Variants in PICALM observed in about 807,000 individuals in gnomAD.
PICALM encodes phosphatidylinositol-binding clathrin assembly protein.
A neutral mutation model predicts 80.5 loss-of-function variants in PICALM; 40 were observed. The observed-to-expected ratio is 0.50, with a 90% CI of 0.39 to 0.65. PICALM has a LOEUF of 0.65. Among genes scored for constraint, PICALM ranks in the 30% least tolerant of loss-of-function variants. The pLI is 0.00. For synonymous variants in PICALM, 288 were observed against 260.3 expected (o/e 1.11, Z -1.02); for missense variants, 676 against 778.9 (o/e 0.87, Z 1.57).
intron 12 of PICALM, among the ~76,000 whole-genome samples, chr11:85,995,554 T>A (rs570217490): frequency 2.6e-5 from 4 of 152,194 alleles, no homozygotes; most frequent in Non-Finnish European, 5.9e-5. Context: ...CAGTTCAGCT[T>A]CTTTGAAATG....
At chr11:86,033,716 G>A (rs1424304499) in intron 1 of PICALM, among the ~76,000 whole-genome samples, 1 of 152,034 alleles carries the variant, frequency 6.6e-6, no homozygotes, top group African/African-American at 2.4e-5. Context: ...ATGTTTTTAA[G>A]TTCCATGTGG....
intron 2 of PICALM, among the ~76,000 whole-genome samples, chr11:86,027,682 C>T (rs1282117202): frequency 1.3e-5 from 2 of 151,866 alleles, no homozygotes; most frequent in Non-Finnish European, 2.9e-5. Context: ...GTCCAGCTCA[C>T]ATTTTTAAAA....
chr11:86,033,387 T>C (rs941302991), intron 1 of PICALM, among the ~76,000 whole-genome samples: 8 of 151,866 alleles, frequency 5.3e-5, no homozygotes, highest in Non-Finnish European at 1.2e-4. Flanking sequence ...ACTGCATCAC[T>C]GCCATCTTCT....
chr11:86,050,861 TTA>T (rs1341230057), intron 1 of PICALM, among the ~76,000 whole-genome samples: 9 of 152,192 alleles, frequency 5.9e-5, no homozygotes, highest in Admixed American at 5.9e-4. Flanking sequence ...TTTATTGTTA[TTA>T]TTTTTTATGT....
intron 19 of PICALM, among the ~76,000 whole-genome samples, chr11:85,962,748 C>T (rs138666509): frequency 4.6e-5 from 7 of 152,304 alleles, no homozygotes; most frequent in East Asian, 1.9e-4. Flanking sequence ...GAAAACAAGA[C>T]AACATCCCTG....
At chr11:86,052,665 C>G (rs966230568) in intron 1 of PICALM, among the ~76,000 whole-genome samples, 6 of 152,320 alleles carry the variant, frequency 3.9e-5, no homozygotes, top group African/African-American at 1.4e-4. Flanking sequence ...TTCCTGTTTT[C>G]ACACTGGCAG....
At chr11:86,063,853 T>C (rs1393262074) in intron 1 of PICALM, among the ~76,000 whole-genome samples, 1 of 152,030 alleles carries the variant, frequency 6.6e-6, no homozygotes, top group Non-Finnish European at 1.5e-5. Flanking sequence ...AAAATAACTG[T>C]CTTCTTAAAA....
chr11:86,062,639 A>T (rs755664582), intron 1 of PICALM, among the ~76,000 whole-genome samples: 24 of 152,218 alleles, frequency 1.6e-4, no homozygotes, highest in Non-Finnish European at 4.4e-5. Flanking sequence ...CTTGATAATA[A>T]TATAACTTGA....
chr11:85,986,236 C>T (rs976662514), intron 13 of PICALM, among the ~76,000 whole-genome samples: 2 of 151,326 alleles, frequency 1.3e-5, no homozygotes, highest in Admixed American at 1.3e-4. Context: ...TCCAAATTTC[C>T]AAAGTAAAAA....
At chr11:85,982,873 T>C (rs746766321) in intron 14 of PICALM, among the ~76,000 whole-genome samples, 54 of 152,206 alleles carry the variant, frequency 3.5e-4, no homozygotes, top group Non-Finnish European at 5.6e-4. Context: ...CACCAAATTA[T>C]AGAAAATAAA....
chr11:85,994,134 C>T (rs939465929), intron 12 of PICALM, among the ~76,000 whole-genome samples: 16 of 152,138 alleles, frequency 1.1e-4, no homozygotes, highest in African/African-American at 3.9e-4. Flanking sequence ...TGAAATCTTG[C>T]TTCAAATATT....
At chr11:85,994,869 A>G (rs1592687151) in intron 12 of PICALM, among the ~76,000 whole-genome samples, 1 of 152,092 alleles carries the variant, frequency 6.6e-6, no homozygotes, top group African/African-American at 2.4e-5. Flanking sequence ...ACACCTGGCT[A>G]ATTTTTGTAT....
At chr11:86,037,855 T>G (rs1035426973) in intron 1 of PICALM, among the ~76,000 whole-genome samples, 2 of 152,246 alleles carry the variant, frequency 1.3e-5, no homozygotes, top group African/African-American at 2.4e-5. Flanking sequence ...ACTATAACAC[T>G]GTTACTTCCA....
Position 86,007,542 on chromosome 11 carries a change from C to T in PICALM, c.807G>A (p.Gln269=), listed in dbSNP as rs999566419. 2.0e-6 allele frequency: 3 copies of T among 1,503,396 alleles called. No homozygotes were observed. The African/African-American group carries it at 4.2e-5, about 21-fold the overall frequency. 93.1% of individuals were successfully genotyped at this position (1,503,396 alleles called of 1,614,324 possible). Residue 269 remains glutamine, a splice_region_variant and synonymous_variant, in exon 8 of 20, where the codon CAG becomes CAA. Transcript: ENST00000393346. ...IDRGDIPDLS[Q]APSSLLDALE... is the part of the protein sequence containing the mutation. The stretch of plus-strand genomic sequence containing the variant: ...ATTGGTATTTTAACAATAAACTTAC[C>T]TGTGAAAGGTCTGGTATATCACCTC...
intron 1 of PICALM, among the ~76,000 whole-genome samples, chr11:86,033,259 C>T (rs2095789868): frequency 7.9e-6 from 1 of 127,094 alleles, no homozygotes; most frequent in African/African-American, 3.0e-5. Context: ...CTATATAGTG[C>T]ATGGTGCATG....
intron 12 of PICALM, among the ~76,000 whole-genome samples, chr11:85,995,921 T>TA (rs1216553183): frequency 2.0e-5 from 3 of 152,216 alleles, no homozygotes; most frequent in Non-Finnish European, 2.9e-5. Flanking sequence ...TAAATTAAAC[T>TA]AGCCTTCAAA....
At chr11:86,027,786 C>T (rs1235503768) in intron 2 of PICALM, among the ~76,000 whole-genome samples, 1 of 152,114 alleles carries the variant, frequency 6.6e-6, no homozygotes, top group African/African-American at 2.4e-5. Context: ...CCCCCAAACT[C>T]TCAGGATTAT....
At chr11:86,061,352 A>G (rs1186548541) in intron 1 of PICALM, among the ~76,000 whole-genome samples, 4 of 137,984 alleles carry the variant, frequency 2.9e-5, no homozygotes, top group African/African-American at 8.1e-5. Flanking sequence ...AAAAAAAAAA[A>G]AAAGAAAAGA....
At chr11:86,047,734 A>G (rs1443662526) in intron 1 of PICALM, among the ~76,000 whole-genome samples, 1 of 152,214 alleles carries the variant, frequency 6.6e-6, no homozygotes, top group Non-Finnish European at 1.5e-5. Flanking sequence ...GAAGAAAGTC[A>G]AAGAAAAATC....
Sources: gnomAD v4.1 joint callset for allele counts (sites outside exome capture counted in the v4.1 genomes callset) on GRCh38, gnomAD v4.1.1 for gene constraint, MANE v1.5 for transcripts, NCBI Gene and HGNC (gene_info 2026-07-23, HGNC 2026-07-21) for gene names.